Variants in RBFOX1 observed in about 807,000 individuals in gnomAD.
RBFOX1 encodes RNA binding fox-1 homolog 1, also known as RNA binding protein fox-1 homolog 1.
A neutral mutation model predicts 57.7 loss-of-function variants in RBFOX1; 8 were observed. The observed-to-expected ratio is 0.14, with a 90% CI of 0.08 to 0.25. The LOEUF is 0.25. RBFOX1 is among the 10% of genes least tolerant of loss of function. The pLI, the probability that RBFOX1 is intolerant of heterozygous loss-of-function variation, is 1.00. For synonymous variants in RBFOX1, 326 were observed against 222.4 expected (o/e 1.47, Z -4.15); for missense variants, 611 against 548.5 (o/e 1.11, Z -1.14).
intron 1 of RBFOX1, among the ~76,000 whole-genome samples, chr16:6,085,438 A>G (rs2096069740): frequency 6.6e-6 from 1 of 151,806 alleles, no homozygotes; most frequent in Non-Finnish European, 1.5e-5. Flanking sequence ...ATGCCCAGCT[A>G]ATTTTGTATT....
chr16:5,675,488 C>A (rs912005932), intron 3 of RBFOX1, among the ~76,000 whole-genome samples: 2 of 152,186 alleles, frequency 1.3e-5, no homozygotes, highest in African/African-American at 2.4e-5. Context: ...AAGACAATTG[C>A]TCCCCAAACA....
chr16:6,737,664 C>T (rs1448321378), intron 3 of RBFOX1, among the ~76,000 whole-genome samples: 1 of 152,090 alleles, frequency 6.6e-6, no homozygotes, highest in Non-Finnish European at 1.5e-5. Context: ...TAATCAGGTT[C>T]AATATAGGCT....
intron 3 of RBFOX1, among the ~76,000 whole-genome samples, chr16:7,013,950 G>T (rs1041296200): frequency 6.6e-6 from 1 of 152,096 alleles, no homozygotes; most frequent in Admixed American, 6.5e-5. Context: ...GAGCCACGGC[G>T]CTTGGCTAAA....
At chr16:6,821,057 T>A (rs2091211082) in intron 3 of RBFOX1, among the ~76,000 whole-genome samples, 1 of 152,176 alleles carries the variant, frequency 6.6e-6, no homozygotes, top group Non-Finnish European at 1.5e-5. Flanking sequence ...CCTATATATT[T>A]CCAGTGTGAG....
At chr16:6,371,811 C>G (rs2090465171) in intron 2 of RBFOX1, among the ~76,000 whole-genome samples, 1 of 152,146 alleles carries the variant, frequency 6.6e-6, no homozygotes, top group Non-Finnish European at 1.5e-5. Context: ...TTAATCCTTC[C>G]TAAGGATTAT....
chr16:5,323,706 A>T lies in RBFOX1; in HGVS notation c.219+83601A>T, dbSNP rs575159718. Among the ~76,000 whole-genome samples, 7 of 152,360 alleles carry T rather than the reference A, an allele frequency of 4.6e-5. 1 individual carries two copies. In the South Asian group the frequency reaches 1.5e-3, roughly 32 times the overall value. Reference sequence around the variant, plus strand: ...TAACCCGGGCTTCAAAAGCCAGCTGATGAGCTCTGGCATTTCTTGAATTCA... The same window carrying T: ...TAACCCGGGCTTCAAAAGCCAGCTGTTGAGCTCTGGCATTTCTTGAATTCA... On this transcript the variant is annotated intron_variant, in intron 1 of 2. Transcript: ENST00000585867.
chr16:7,265,105 A>G (rs2095075788), intron 4 of RBFOX1, among the ~76,000 whole-genome samples: 1 of 152,226 alleles, frequency 6.6e-6, no homozygotes, highest in Non-Finnish European at 1.5e-5. Context: ...TATTTATTGA[A>G]TTACTAATAA....
At chr16:5,824,384 A>G (rs529257345) in intron 3 of RBFOX1, among the ~76,000 whole-genome samples, 1 of 152,294 alleles carries the variant, frequency 6.6e-6, no homozygotes, top group African/African-American at 2.4e-5. Flanking sequence ...TTGACAGGGA[A>G]AACAAGTGCC....
At chr16:5,818,249 A>G (rs1049740608) in intron 3 of RBFOX1, among the ~76,000 whole-genome samples, 3 of 152,160 alleles carry the variant, frequency 2.0e-5, no homozygotes, top group Non-Finnish European at 2.9e-5. Context: ...TACCGTCATC[A>G]GTTTTGCATA....
intron 2 of RBFOX1, among the ~76,000 whole-genome samples, chr16:6,516,943 C>T (rs2096391149): frequency 1.3e-5 from 2 of 152,168 alleles, no homozygotes; most frequent in African/African-American, 4.8e-5. Flanking sequence ...CGCTTTCCTC[C>T]ACAAATATGC....
At chr16:6,485,524 T>TCAC (rs1272961534) in intron 2 of RBFOX1, among the ~76,000 whole-genome samples, 18 of 149,704 alleles carry the variant, frequency 1.2e-4, no homozygotes, top group Middle Eastern at 3.4e-3. Context: ...CGCTGGAGGA[T>TCAC]CACCAGAGCC....
At chr16:6,090,277 A>C (rs944260346) in intron 1 of RBFOX1, 1 of 152,208 alleles carries the variant, frequency 6.6e-6, no homozygotes, top group Non-Finnish European at 1.5e-5. Flanking sequence ...ATGATTAGTA[A>C]CTTTAATTCC....
intron 4 of RBFOX1, among the ~76,000 whole-genome samples, chr16:7,220,650 A>G (rs965728258): frequency 1.3e-5 from 2 of 152,084 alleles, no homozygotes; most frequent in Non-Finnish European, 2.9e-5. Context: ...GGACTTTTGA[A>G]TTATCTTCTT....
chr16:6,822,890 T>G (rs2091542611), intron 3 of RBFOX1, among the ~76,000 whole-genome samples: 1 of 152,230 alleles, frequency 6.6e-6, no homozygotes, highest in Non-Finnish European at 1.5e-5. Flanking sequence ...ATAAAGGGCA[T>G]GCATTAATAT....
intron 3 of RBFOX1, among the ~76,000 whole-genome samples, chr16:6,657,751 C>G (rs896992395): frequency 2.0e-5 from 3 of 152,062 alleles, no homozygotes; most frequent in African/African-American, 7.2e-5. Flanking sequence ...AAGCGGCAGC[C>G]TCTTGGCCTA....
intron 3 of RBFOX1, among the ~76,000 whole-genome samples, chr16:5,811,945 T>G (rs1159605434): frequency 6.6e-6 from 1 of 152,152 alleles, no homozygotes; most frequent in African/African-American, 2.4e-5. Context: ...AACCTCCAGC[T>G]CCAGGGAACT....
chr16:6,488,687 G>A (rs936238560), intron 2 of RBFOX1, among the ~76,000 whole-genome samples: 3 of 152,138 alleles, frequency 2.0e-5, no homozygotes, highest in Non-Finnish European at 4.4e-5. Context: ...GGGTACTTAA[G>A]AGATACACTA....
intron 5 of RBFOX1, among the ~76,000 whole-genome samples, chr16:7,576,407 T>A (rs1507001): frequency 0.41 from 61,660 of 151,756 alleles, 12,974 homozygotes; most frequent in East Asian, 0.53. Context: ...TCTGTTGTTT[T>A]ATTCACTCCT....
intron 3 of RBFOX1, among the ~76,000 whole-genome samples, chr16:6,821,985 A>G (rs1289146879): frequency 3.3e-5 from 5 of 152,138 alleles, no homozygotes; most frequent in Non-Finnish European, 7.3e-5. Context: ...GATGGATGAT[A>G]CTTCGCTGAC....
Sources: gnomAD v4.1 joint callset for allele counts (sites outside exome capture counted in the v4.1 genomes callset) on GRCh38, gnomAD v4.1.1 for gene constraint, MANE v1.5 for transcripts, NCBI Gene and HGNC (gene_info 2026-07-23, HGNC 2026-07-21) for gene names.